MEGF11: variants seen among roughly 807,000 people sequenced by gnomAD.
The protein encoded by MEGF11 is multiple EGF like domains 11, also known as multiple epidermal growth factor-like domains protein 11.
In MEGF11, 126 loss-of-function variants were observed where a neutral mutation model predicts 146.6. The observed-to-expected ratio is 0.86, with a 90% CI of 0.74 to 1.00. MEGF11 has a LOEUF of 1.00. Ranked by LOEUF, MEGF11 falls within the 50% of genes least tolerant of loss-of-function variation. The pLI is 0.00. For missense variants in MEGF11, 1,509 were observed against 1,521.2 expected (o/e 0.99, Z 0.13); for synonymous variants, 532 against 583.4 (o/e 0.91, Z 1.27).
intron 3 of MEGF11, among the ~76,000 whole-genome samples, chr15:66,120,683 G>A (rs1040696805): frequency 3.9e-5 from 6 of 152,200 alleles, no homozygotes; most frequent in Non-Finnish European, 7.3e-5. Flanking sequence ...AACCCATAAT[G>A]GAAGGAAAGC....
At chr15:65,994,894 T>G (rs2082155338) in intron 5 of MEGF11, among the ~76,000 whole-genome samples, 1 of 152,230 alleles carries the variant, frequency 6.6e-6, no homozygotes, top group African/African-American at 2.4e-5. Context: ...TGGAGTTGCT[T>G]TGGCCTAGGT....
chr15:66,238,703 T>C (rs1435866254), intron 1 of MEGF11, among the ~76,000 whole-genome samples: 1 of 152,202 alleles, frequency 6.6e-6, no homozygotes, highest in Admixed American at 6.5e-5. Flanking sequence ...CTCCCCTAGA[T>C]ATCAGCATGT....
At chr15:66,075,214 A>G (rs1336198265) in intron 5 of MEGF11, among the ~76,000 whole-genome samples, 2 of 152,202 alleles carry the variant, frequency 1.3e-5, no homozygotes, top group East Asian at 3.8e-4. Context: ...CATCCCCTGA[A>G]TATATCAGGC....
chr15:66,252,239 C>A (rs1483603722), intron 1 of MEGF11, among the ~76,000 whole-genome samples: 1 of 150,574 alleles, frequency 6.6e-6, no homozygotes, highest in Admixed American at 6.6e-5. Context: ...CCACCCCCCA[C>A]CCCCCACCGG....
At chr15:66,210,510 TCCA>T (rs948223092) in intron 1 of MEGF11, among the ~76,000 whole-genome samples, 3 of 152,224 alleles carry the variant, frequency 2.0e-5, no homozygotes, top group African/African-American at 7.2e-5. Flanking sequence ...ATCTCGATGC[TCCA>T]CCACCAACCA....
At chr15:65,942,543 ATGGTGG>A (rs200430946) in intron 10 of MEGF11, among the ~76,000 whole-genome samples, 1 of 152,072 alleles carries the variant, frequency 6.6e-6, no homozygotes, top group African/African-American at 2.4e-5. Context: ...GATGATGACT[ATGGTGG>A]TGGTGGTGGC....
chr15:65,898,213 A>G (rs2078399408), intron 25 of MEGF11, 119 bp from the exon 26 acceptor site: 1 of 1,461,234 alleles, frequency 6.8e-7, no homozygotes, highest in East Asian at 2.5e-5. Flanking sequence ...AATCTATGGC[A>G]AATACATGAG....
chr15:66,183,375 C>G (rs2090604756), intron 1 of MEGF11, among the ~76,000 whole-genome samples: 1 of 152,138 alleles, frequency 6.6e-6, no homozygotes, highest in East Asian at 1.9e-4. Flanking sequence ...TGGCTCACGG[C>G]TGTAGTCCCA....
chr15:66,107,058 C>CG (rs2087120930), intron 4 of MEGF11, among the ~76,000 whole-genome samples: 4 of 140,724 alleles, frequency 2.8e-5, no homozygotes, highest in Admixed American at 7.4e-5. Context: ...ATTCCTACCC[C>CG]CCCACCAGGT....
intron 5 of MEGF11, among the ~76,000 whole-genome samples, chr15:66,000,302 G>A (rs754113435): frequency 6.6e-6 from 1 of 152,216 alleles, no homozygotes; most frequent in Non-Finnish European, 1.5e-5. Context: ...GCTGAGACAG[G>A]AGGATGGCTT....
rs572122469 is a variant in MEGF11, at chr15:65,908,679, A to G, written c.2998+355T>C. Among the ~76,000 whole-genome samples, 203 of 152,330 alleles carry G rather than the reference A, an allele frequency of 1.3e-3. 1 individual carries two copies. The highest frequency in any genetic ancestry group is 4.6e-3 in the African/African-American group (190 of 41,582). On this transcript the variant is annotated intron_variant, in intron 23 of 25. Transcript: ENST00000395614. ...AGCTAACTCCCTGTTATCCACTCCA[A>G]CAGGGCCCAGAGAACCCCAAAGATG...
chr15:66,161,808 T>C (rs2089961359), intron 1 of MEGF11, among the ~76,000 whole-genome samples: 1 of 152,116 alleles, frequency 6.6e-6, no homozygotes, highest in South Asian at 2.1e-4. Flanking sequence ...CCAACCATGG[T>C]TCTGGGAAAA....
At chr15:66,230,911 T>C (rs1443035426) in intron 1 of MEGF11, among the ~76,000 whole-genome samples, 1 of 152,210 alleles carries the variant, frequency 6.6e-6, no homozygotes, top group African/African-American at 2.4e-5. Context: ...ACTCAGTCTG[T>C]GTGGACCCAC....
At chr15:66,105,950 C>G (rs2087053639) in intron 4 of MEGF11, among the ~76,000 whole-genome samples, 1 of 152,136 alleles carries the variant, frequency 6.6e-6, no homozygotes, top group Non-Finnish European at 1.5e-5. Context: ...TCCTCTCTTT[C>G]CAGCCAATGC....
chr15:65,975,942 A>C (rs997381411), intron 7 of MEGF11, among the ~76,000 whole-genome samples: 1 of 151,896 alleles, frequency 6.6e-6, no homozygotes, highest in African/African-American at 2.4e-5. Context: ...GGGGAGAGGC[A>C]GGGGGAGAGA....
At chr15:65,948,725 A>C (rs1037724743) in intron 10 of MEGF11, among the ~76,000 whole-genome samples, 1 of 152,224 alleles carries the variant, frequency 6.6e-6, no homozygotes, top group African/African-American at 2.4e-5. Context: ...AGTGCCATTA[A>C]TTATCCTGTT....
At chr15:66,196,595 A>G (rs535901927) in intron 1 of MEGF11, among the ~76,000 whole-genome samples, 1 of 152,170 alleles carries the variant, frequency 6.6e-6, no homozygotes, top group South Asian at 2.1e-4. Context: ...TAGAAAGGTC[A>G]CTCTACCTAT....
At chr15:65,921,421 C>G (rs970221894) in intron 15 of MEGF11, among the ~76,000 whole-genome samples, 1 of 152,208 alleles carries the variant, frequency 6.6e-6, no homozygotes, top group Non-Finnish European at 1.5e-5. Flanking sequence ...CAGCTGTTCC[C>G]TGTAGCATGC....
intron 10 of MEGF11, among the ~76,000 whole-genome samples, chr15:65,955,243 G>C (rs2080540906): frequency 6.6e-6 from 1 of 151,954 alleles, no homozygotes; most frequent in Non-Finnish European, 1.5e-5. Flanking sequence ...AAAACCCAGG[G>C]CACCTCCATT....
Sources: gnomAD v4.1 joint callset for allele counts (sites outside exome capture counted in the v4.1 genomes callset) on GRCh38, gnomAD v4.1.1 for gene constraint, MANE v1.5 for transcripts, NCBI Gene and HGNC (gene_info 2026-07-23, HGNC 2026-07-21) for gene names.